KCTD8: variants seen among roughly 807,000 people sequenced by gnomAD.
The protein encoded by KCTD8 is potassium channel tetramerization domain containing 8.
In KCTD8, 27 loss-of-function variants were observed where a neutral mutation model predicts 31.5. The observed-to-expected ratio is 0.86, with a 90% confidence interval of 0.63 to 1.18. The LOEUF is 1.18. Ranked by LOEUF, KCTD8 falls within the 50% of genes most tolerant of loss-of-function variation. The probability of loss-of-function intolerance (pLI) is 0.00; values close to 1 mark genes in which losing one functional copy is unlikely to be tolerated. For missense variants in KCTD8, 658 were observed against 647.7 expected, an observed-to-expected ratio of 1.02 and a Z score of -0.17; for synonymous variants, 290 against 280.0, an observed-to-expected ratio of 1.04 and a Z score of -0.36.
intron 1 of KCTD8, among the ~76,000 whole-genome samples, chr4:44,393,558 A>C (rs1720423486): frequency 6.6e-6 from 1 of 151,252 alleles, no homozygotes; most frequent in Non-Finnish European, 1.5e-5. Flanking sequence ...TCTACTACCT[A>C]CTCACATTAT....
chr4:44,313,967 C>T (rs1300121715), intron 1 of KCTD8, among the ~76,000 whole-genome samples: 3 of 152,102 alleles, frequency 2.0e-5, no homozygotes, highest in African/African-American at 7.2e-5. Flanking sequence ...AGAGATAAGG[C>T]TCAAGAGGTA....
At chr4:44,309,579 T>C (rs1363502384) in intron 1 of KCTD8, among the ~76,000 whole-genome samples, 10 of 152,192 alleles carry the variant, frequency 6.6e-5, no homozygotes, top group African/African-American at 2.2e-4. Context: ...CAACTTGTAC[T>C]GTTGAATTTT....
intron 1 of KCTD8, among the ~76,000 whole-genome samples, chr4:44,358,029 C>T (rs1332786238): frequency 6.6e-6 from 1 of 151,934 alleles, no homozygotes; most frequent in East Asian, 1.9e-4. Flanking sequence ...GGTATTTCTC[C>T]TAATGTTATC....
At chr4:44,419,640 G>A (rs1287099722) in intron 1 of KCTD8, among the ~76,000 whole-genome samples, 1 of 151,854 alleles carries the variant, frequency 6.6e-6, no homozygotes, top group African/African-American at 2.4e-5. Context: ...TCATAGGTGG[G>A]AACTGAACAA....
intron 1 of KCTD8, among the ~76,000 whole-genome samples, chr4:44,307,486 G>T (rs1717837149): frequency 6.6e-6 from 1 of 151,848 alleles, no homozygotes. Flanking sequence ...AAATAGTCCA[G>T]CACTAGATCC....
chr4:44,271,990 T>C (rs1043433010), intron 1 of KCTD8, among the ~76,000 whole-genome samples: 2 of 151,908 alleles, frequency 1.3e-5, no homozygotes, highest in Admixed American at 6.6e-5. Context: ...GTGATCCTGT[T>C]AGTTCCTCTA....
chr4:44,390,117 T>C (rs1397115205), intron 1 of KCTD8, among the ~76,000 whole-genome samples: 1 of 152,074 alleles, frequency 6.6e-6, no homozygotes, highest in Non-Finnish European at 1.5e-5. Flanking sequence ...TTTATTTTGT[T>C]GTGCAGAAGC....
At chr4:44,288,965 T>C (rs1717185541) in intron 1 of KCTD8, among the ~76,000 whole-genome samples, 1 of 151,610 alleles carries the variant, frequency 6.6e-6, no homozygotes, top group African/African-American at 2.4e-5. Flanking sequence ...GGATTCAATT[T>C]TTTAAAAATG....
intron 1 of KCTD8, among the ~76,000 whole-genome samples, chr4:44,353,036 T>A (rs1719254082): frequency 6.6e-6 from 1 of 152,120 alleles, no homozygotes; most frequent in South Asian, 2.1e-4. Context: ...TTGGCAAATA[T>A]CTACATGTAA....
chr4:44,206,133 GTAACAATTTAGGTGGAGAGACA>G (rs1326254124), intron 1 of KCTD8, among the ~76,000 whole-genome samples: 1 of 151,918 alleles, frequency 6.6e-6, no homozygotes, highest in African/African-American at 2.4e-5. Context: ...TTCTTGGTGA[GTAACAATTTAGGTGGAGAGACA>G]TAACAAGAGC....
At chr4:44,349,140 C>A (rs1215419632) in intron 1 of KCTD8, among the ~76,000 whole-genome samples, 1 of 151,664 alleles carries the variant, frequency 6.6e-6, no homozygotes, top group Non-Finnish European at 1.5e-5. Flanking sequence ...GCTCTAGCAA[C>A]CATCTTCACT....
At chr4:44,419,343 T>C (rs528530490) in intron 1 of KCTD8, among the ~76,000 whole-genome samples, 1 of 152,280 alleles carries the variant, frequency 6.6e-6, no homozygotes, top group African/African-American at 2.4e-5. Context: ...AGTTACTCAC[T>C]GAGAAGGGCC....
chr4:44,218,048 A>G (rs1336586669), intron 1 of KCTD8, among the ~76,000 whole-genome samples: 1 of 151,300 alleles, frequency 6.6e-6, no homozygotes, highest in Non-Finnish European at 1.5e-5. Context: ...CAGGACCCTG[A>G]CTAACAAAGA....
chr4:44,242,599 C>A lies in KCTD8; in HGVS notation c.962-67349G>T, dbSNP rs538581030. Reference sequence around the variant, plus strand: ...TCTCAAAAACAAACAAACAAACAAACAAACAAAACAAAAAAAAAACTTGTT... The same window carrying A: ...TCTCAAAAACAAACAAACAAACAAAAAAACAAAACAAAAAAAAAACTTGTT... On this transcript the variant is annotated intron_variant, in intron 1 of 1. Coordinates refer to ENST00000360029, the MANE Select transcript of KCTD8 (RefSeq NM_198353.3). 4.0e-5 allele frequency among the ~76,000 whole-genome samples: 6 copies of A among 151,304 alleles called. No individual in the cohort carries two copies. The East Asian group carries it at 9.7e-4, about 25-fold the overall frequency.
intron 1 of KCTD8, among the ~76,000 whole-genome samples, chr4:44,232,965 C>T (rs1015371116): frequency 6.6e-6 from 1 of 151,936 alleles, no homozygotes. Flanking sequence ...ATGCAAGAAA[C>T]TCACTTTTTT....
chr4:44,342,727 G>A (rs1718934984), intron 1 of KCTD8, among the ~76,000 whole-genome samples: 1 of 152,180 alleles, frequency 6.6e-6, no homozygotes. Context: ...CTGTTGTTCA[G>A]TGTTCCTCAT....
At chr4:44,187,958 A>AACACACACACACACAC (rs143071896) in intron 1 of KCTD8, among the ~76,000 whole-genome samples, 1 of 144,564 alleles carries the variant, frequency 6.9e-6, no homozygotes, top group Admixed American at 7.0e-5. Flanking sequence ...GGAAGAGGTA[A>AACACACACACACACAC]ACACACACAC....
At chr4:44,395,110 G>C (rs1348675108) in intron 1 of KCTD8, among the ~76,000 whole-genome samples, 1 of 152,032 alleles carries the variant, frequency 6.6e-6, no homozygotes, top group African/African-American at 2.4e-5. Flanking sequence ...TCCTCCAATG[G>C]TTAGTAGCCA....
chr4:44,416,257 A>C (rs1442486060), intron 1 of KCTD8, among the ~76,000 whole-genome samples: 1 of 152,158 alleles, frequency 6.6e-6, no homozygotes, highest in African/African-American at 2.4e-5. Flanking sequence ...CTACCACTGG[A>C]TCTTGGAAGT....
Sources: gnomAD v4.1 joint callset for allele counts (sites outside exome capture counted in the v4.1 genomes callset) on GRCh38, gnomAD v4.1.1 for gene constraint, MANE v1.5 for transcripts, NCBI Gene and HGNC (gene_info 2026-07-23, HGNC 2026-07-21) for gene names.